Variants in CSNK1G3 observed in about 807,000 individuals in gnomAD.
CSNK1G3 encodes the protein casein kinase 1 gamma 3.
In CSNK1G3, 23 loss-of-function variants were observed where a neutral mutation model predicts 64.3. That is an observed-to-expected ratio of 0.36 (90% CI 0.26 to 0.51). CSNK1G3 has a LOEUF of 0.51. CSNK1G3 is among the 20% of genes least tolerant of loss of function. The probability of loss-of-function intolerance (pLI) is 0.96; values close to 1 mark genes in which losing one functional copy is unlikely to be tolerated. For missense variants in CSNK1G3, 357 were observed against 510.5 expected (o/e 0.70, Z 2.90); for synonymous variants, 158 against 162.2 (o/e 0.97, Z 0.20).
chr5:123,588,566 T>A, intron 8 of CSNK1G3, 55 bp downstream of exon 8: 1 of 1,074,308 alleles, frequency 9.3e-7, no homozygotes, highest in Non-Finnish European at 1.4e-6. Flanking sequence ...AAATGCTAAT[T>A]TTTATTGCTT....
chr5:123,516,540 A>T (rs1777194130), intron 1 of CSNK1G3, among the ~76,000 whole-genome samples: 1 of 152,122 alleles, frequency 6.6e-6, no homozygotes. Flanking sequence ...TTGTTGTTAG[A>T]CCATAGTGAT....
intron 1 of CSNK1G3, among the ~76,000 whole-genome samples, chr5:123,544,641 T>C (rs1239766568): frequency 1.3e-5 from 2 of 152,216 alleles, no homozygotes; most frequent in African/African-American, 2.4e-5. Flanking sequence ...GTACATTTGA[T>C]CACTGCAATT....
At chr5:123,567,708 C>G (rs527424146) in intron 4 of CSNK1G3, among the ~76,000 whole-genome samples, 2 of 152,122 alleles carry the variant, frequency 1.3e-5, no homozygotes, top group Non-Finnish European at 2.9e-5. Context: ...TCACAGTTAT[C>G]GCCAAAGATA....
At chr5:123,531,045 T>C (rs1361785052) in intron 1 of CSNK1G3, among the ~76,000 whole-genome samples, 1 of 152,120 alleles carries the variant, frequency 6.6e-6, no homozygotes, top group African/African-American at 2.4e-5. Context: ...TAATTTTTAT[T>C]GAGACTGAAT....
At chr5:123,564,038 A>C (rs1275789670) in intron 4 of CSNK1G3, among the ~76,000 whole-genome samples, 1 of 152,008 alleles carries the variant, frequency 6.6e-6, no homozygotes, top group East Asian at 1.9e-4. Context: ...TAATTCTTTA[A>C]AGTTAGAGAT....
At chr5:123,560,012 C>T (rs1423293058) in intron 4 of CSNK1G3, among the ~76,000 whole-genome samples, 2 of 151,912 alleles carry the variant, frequency 1.3e-5, no homozygotes, top group African/African-American at 4.8e-5. Flanking sequence ...ATATAAAGAA[C>T]TTCTAAAACT....
intron 2 of CSNK1G3, among the ~76,000 whole-genome samples, chr5:123,549,495 C>G (rs369578571): frequency 2.1e-4 from 32 of 152,256 alleles, no homozygotes; most frequent in African/African-American, 7.5e-4. Context: ...ATTCCTCTAC[C>G]TTATCTTCCC....
chr5:123,561,142 C>T (rs999682484), intron 4 of CSNK1G3, among the ~76,000 whole-genome samples: 1 of 152,160 alleles, frequency 6.6e-6, no homozygotes, highest in Non-Finnish European at 1.5e-5. Context: ...TCCCTCTTTA[C>T]ATTACATTAT....
intron 10 of CSNK1G3, among the ~76,000 whole-genome samples, chr5:123,595,368 A>G (rs377593471): frequency 2.0e-4 from 30 of 152,326 alleles, no homozygotes; most frequent in African/African-American, 7.0e-4. Flanking sequence ...TATATGCTAC[A>G]ATATTTAAGT....
At chr5:123,574,874 A>G (rs1293742069) in intron 5 of CSNK1G3, among the ~76,000 whole-genome samples, 1 of 152,074 alleles carries the variant, frequency 6.6e-6, no homozygotes, top group Non-Finnish European at 1.5e-5. Flanking sequence ...CCCAAACAAA[A>G]CAAAGAATAT....
chr5:123,574,595 A>G, intron 5 of CSNK1G3, among the ~76,000 whole-genome samples: 1 of 151,946 alleles, frequency 6.6e-6, no homozygotes, highest in African/African-American at 2.4e-5. Context: ...CTGAGGCTAG[A>G]GGATCACTTG....
At chr5:123,613,624 G>A (rs1002169072) in intron 12 of CSNK1G3, among the ~76,000 whole-genome samples, 18 of 151,770 alleles carry the variant, frequency 1.2e-4, no homozygotes, top group Admixed American at 4.6e-4. Flanking sequence ...CTCCTGCCTC[G>A]GCCTCTCAAA....
intron 1 of CSNK1G3, among the ~76,000 whole-genome samples, chr5:123,542,588 C>T (rs1196768496): frequency 1.3e-5 from 2 of 151,880 alleles, no homozygotes; most frequent in East Asian, 1.9e-4. Flanking sequence ...TTTTTTTCTC[C>T]CTGTTTTGAA....
Position 123,575,978 on chromosome 5 carries a change from C to G in CSNK1G3, c.673+15C>G, listed in dbSNP as rs781316046. 1 of 1,528,904 alleles carries G rather than the reference C, an allele frequency of 6.5e-7. No individual in the cohort carries two copies. The highest frequency in any genetic ancestry group is 2.3e-5 in the East Asian group (1 of 44,254). The allele number at this position is 1,528,904 out of a possible 1,614,324, so 94.7% of individuals were successfully genotyped here. On this transcript the variant is annotated intron_variant, in intron 6 of 12. Coordinates refer to ENST00000345990, the Ensembl canonical transcript of CSNK1G3. The stretch of plus-strand genomic sequence containing the variant: ...TTTAGGAAAAGGTATGTGTACCTTT[C>G]GTAAGTATGGAAGTTTGAACTTAGC...
intron 10 of CSNK1G3, among the ~76,000 whole-genome samples, chr5:123,594,068 T>C (rs1792952471): frequency 1.3e-5 from 2 of 152,156 alleles, no homozygotes; most frequent in Admixed American, 1.3e-4. Context: ...TCTGTAACTG[T>C]GGGGAAGTGG....
rs533710795 is a variant in CSNK1G3 at position 123,614,226 on chromosome 5, C to A, written c.1218-116C>A. On this transcript the variant is annotated intron_variant, in intron 12 of 12. Coordinates refer to ENST00000345990, the Ensembl canonical transcript of CSNK1G3. ...TACGTATGCTTCATTGGTGTAATCACTGTTTATCTTGCACTAGCCTGTTGC... is the reference window on the plus strand; with the variant it reads ...TACGTATGCTTCATTGGTGTAATCAATGTTTATCTTGCACTAGCCTGTTGC... 4 of 852,976 alleles carry A rather than the reference C, an allele frequency of 4.7e-6. No homozygotes were observed. The East Asian group carries it at 1.1e-4, about 24-fold the overall frequency. 52.8% of individuals were successfully genotyped at this position (852,976 alleles called of 1,614,324 possible).
intron 2 of CSNK1G3, among the ~76,000 whole-genome samples, chr5:123,552,372 C>G (rs539304804): frequency 6.6e-6 from 1 of 152,198 alleles, no homozygotes; most frequent in South Asian, 2.1e-4. Flanking sequence ...TCTTGAACTC[C>G]TGACTTCATG....
In CSNK1G3 at chr5:123,573,556, G is replaced by A. The variant is rs987626001; in HGVS notation, c.438+15G>A. The A allele has an allele frequency of 1.3e-6, 2 of 1,571,750 alleles. No homozygotes were observed. The highest frequency in any genetic ancestry group is 2.7e-5 in the African/African-American group (2 of 72,852). ...CTATACAACTGGTAAGTAAAATAAG[G>A]TATTTGAAGTTGTTTGAACAATTAC... On this transcript the variant is annotated intron_variant, in intron 5 of 12. Transcript: ENST00000345990.
At chr5:123,569,950 A>T (rs1036138442) in intron 4 of CSNK1G3, among the ~76,000 whole-genome samples, 4 of 152,290 alleles carry the variant, frequency 2.6e-5, no homozygotes, top group African/African-American at 9.6e-5. Context: ...CTTTCTTAGC[A>T]CCCTTTAAGA....
Sources: gnomAD v4.1 joint callset for allele counts (sites outside exome capture counted in the v4.1 genomes callset) on GRCh38, gnomAD v4.1.1 for gene constraint, MANE v1.5 for transcripts, NCBI Gene and HGNC (gene_info 2026-07-23, HGNC 2026-07-21) for gene names.